SV2C: variants seen among roughly 807,000 people sequenced by gnomAD.
SV2C encodes the protein solute carrier family 22 member B3.
Under a neutral mutation model 79.7 loss-of-function variants are expected in SV2C, and 49 were observed. The ratio of observed to expected loss-of-function variants is 0.61; its 90% confidence interval spans 0.49 to 0.78. SV2C has a LOEUF of 0.78. SV2C is among the 30% of genes least tolerant of loss of function. The pLI is 0.00. For synonymous variants in SV2C, 334 were observed against 333.2 expected (o/e 1.00, Z -0.03); for missense variants, 833 against 912.9 (o/e 0.91, Z 1.13).
At chr5:76,109,889 T>C (rs573364119) in intron 1 of SV2C, among the ~76,000 whole-genome samples, 80 of 152,344 alleles carry the variant, frequency 5.3e-4, no homozygotes, top group African/African-American at 1.8e-3. Flanking sequence ...ATATTTTTAC[T>C]TGGAAAAGGA....
intron 1 of SV2C, among the ~76,000 whole-genome samples, chr5:76,129,223 A>ACATCTAAT (rs533785527): frequency 1.3e-5 from 2 of 152,238 alleles, no homozygotes; most frequent in African/African-American, 2.4e-5. Context: ...ATATCTACAA[A>ACATCTAAT]CATCTAATTT....
chr5:76,139,114 A>G (rs79943683), intron 2 of SV2C, among the ~76,000 whole-genome samples: 1 of 143,824 alleles, frequency 7.0e-6, no homozygotes, highest in Admixed American at 7.0e-5. Context: ...GCGAGACTCC[A>G]TCTCAAAAAA....
chr5:76,036,476 A>C, the SV2C span, among the ~76,000 whole-genome samples: 1 of 151,752 alleles, frequency 6.6e-6, no homozygotes, highest in Non-Finnish European at 1.5e-5. Context: ...CTTGTCTGTA[A>C]AGTATTTTAT....
the SV2C span, among the ~76,000 whole-genome samples, chr5:75,903,792 A>T: frequency 6.6e-6 from 1 of 151,934 alleles, no homozygotes; most frequent in African/African-American, 2.4e-5. Context: ...GTTGACTCAT[A>T]CTCTCTTCTT....
chr5:76,181,488 C>T (rs1743730100), intron 2 of SV2C, among the ~76,000 whole-genome samples: 1 of 152,156 alleles, frequency 6.6e-6, no homozygotes. Flanking sequence ...TTTTAACTGA[C>T]TCATAGTTTC....
the SV2C span, among the ~76,000 whole-genome samples, chr5:75,878,851 AT>A: frequency 1.4e-5 from 2 of 147,536 alleles, no homozygotes; most frequent in Admixed American, 6.7e-5. Flanking sequence ...GATAATTTAT[AT>A]TAAAAAAAAG....
chr5:75,994,483 T>C, the SV2C span, among the ~76,000 whole-genome samples: 11 of 151,700 alleles, frequency 7.3e-5, no homozygotes, highest in Non-Finnish European at 2.9e-5. Context: ...ACTAGTAATA[T>C]AACCTTGAAC....
chr5:76,184,178 C>T (rs147343320), intron 2 of SV2C, among the ~76,000 whole-genome samples: 164 of 152,272 alleles, frequency 1.1e-3, no homozygotes, highest in Non-Finnish European at 1.9e-3. Context: ...TGTGGCCTGG[C>T]ATCAGTGTTT....
chr5:76,259,461 T>C (rs980071121), intron 4 of SV2C, among the ~76,000 whole-genome samples: 6 of 152,200 alleles, frequency 3.9e-5, no homozygotes, highest in Non-Finnish European at 7.3e-5. Flanking sequence ...CTTTAATTTC[T>C]GGGATACATG....
chr5:76,076,602 T>C, the SV2C span, among the ~76,000 whole-genome samples: 1 of 152,220 alleles, frequency 6.6e-6, no homozygotes, highest in Non-Finnish European at 1.5e-5. Flanking sequence ...ACATAGGATT[T>C]GCATTTCTTT....
chr5:75,899,915 CT>C, the SV2C span, among the ~76,000 whole-genome samples: 3 of 152,090 alleles, frequency 2.0e-5, no homozygotes, highest in South Asian at 6.2e-4. Context: ...TTTCCATTTG[CT>C]TGGTAGATCT....
chr5:75,879,088 C>T, the SV2C span, among the ~76,000 whole-genome samples: 6 of 152,254 alleles, frequency 3.9e-5, no homozygotes, highest in Admixed American at 6.5e-5. Context: ...AAGGGTATGG[C>T]GCTAAGGCAT....
chr5:76,104,685 G>C (rs1223029865), intron 1 of SV2C, among the ~76,000 whole-genome samples: 1 of 152,142 alleles, frequency 6.6e-6, no homozygotes, highest in Admixed American at 6.5e-5. Context: ...TTCTGTTTGC[G>C]ATACTAGAGA....
chr5:75,969,007 T>C, the SV2C span, among the ~76,000 whole-genome samples: 1 of 151,878 alleles, frequency 6.6e-6, no homozygotes, highest in African/African-American at 2.4e-5. Flanking sequence ...CAGAAGAGAG[T>C]GGGGGCCAAT....
the SV2C span, among the ~76,000 whole-genome samples, chr5:76,048,064 C>T: frequency 6.6e-6 from 1 of 152,102 alleles, no homozygotes; most frequent in Non-Finnish European, 1.5e-5. Flanking sequence ...TTTGTCATTC[C>T]ACAATGTATA....
chr5:75,862,584 T>G, the SV2C span, among the ~76,000 whole-genome samples: 2 of 152,224 alleles, frequency 1.3e-5, no homozygotes, highest in African/African-American at 2.4e-5. Flanking sequence ...TCATGCAGTC[T>G]GAACCAGCTG....
chr5:76,252,100 GGAGTA>G (rs1746133656), intron 4 of SV2C, among the ~76,000 whole-genome samples: 1 of 152,124 alleles, frequency 6.6e-6, no homozygotes, highest in Non-Finnish European at 1.5e-5. Flanking sequence ...CACTGTCCAA[GGAGTA>G]TATGCAGTGA....
intron 2 of SV2C, among the ~76,000 whole-genome samples, chr5:76,188,198 T>G (rs1320478528): frequency 6.6e-6 from 1 of 152,106 alleles, no homozygotes; most frequent in Non-Finnish European, 1.5e-5. Context: ...GAGACAGAGG[T>G]TGCAGTGAGC....
the SV2C span, among the ~76,000 whole-genome samples, chr5:75,926,366 G>T: frequency 6.6e-6 from 1 of 152,142 alleles, no homozygotes; most frequent in Non-Finnish European, 1.5e-5. Flanking sequence ...GGAGGGATTT[G>T]GGACATTACA....
Sources: allele counts gnomAD v4.1 joint callset (sites outside exome capture counted in the v4.1 genomes callset), GRCh38; gene constraint gnomAD v4.1.1; transcripts MANE v1.5; gene names NCBI Gene and HGNC (gene_info 2026-07-23, HGNC 2026-07-21).